LINGO2: variants seen among roughly 807,000 people sequenced by gnomAD.
The protein encoded by LINGO2 is leucine rich repeat and Ig domain containing 2.
In LINGO2, 14 loss-of-function variants were observed where a neutral mutation model predicts 30.6. The ratio of observed to expected loss-of-function variants is 0.46; its 90% CI spans 0.30 to 0.72. The LOEUF is 0.72. Ranked by LOEUF, LINGO2 falls within the 30% of genes least tolerant of loss-of-function variation. The probability of loss-of-function intolerance (pLI) is 0.07; values close to 1 mark genes in which losing one functional copy is unlikely to be tolerated. For synonymous variants in LINGO2, 317 were observed against 288.5 expected (o/e 1.10, Z -1.00); for missense variants, 729 against 751.7 (o/e 0.97, Z 0.35).
the LINGO2 span, among the ~76,000 whole-genome samples, chr9:28,987,230 T>C: frequency 1.3e-5 from 2 of 151,978 alleles, no homozygotes; most frequent in Non-Finnish European, 2.9e-5. Flanking sequence ...TTCCTCATTA[T>C]TGGTCTGTTC....
chr9:28,303,027 C>A (rs915277615), intron 3 of LINGO2, among the ~76,000 whole-genome samples: 3 of 152,222 alleles, frequency 2.0e-5, no homozygotes, highest in African/African-American at 7.2e-5. Flanking sequence ...GTCATTTGTC[C>A]TATCAATTTG....
At chr9:29,055,226 A>ACAACAG in the LINGO2 span, among the ~76,000 whole-genome samples, 1 of 151,706 alleles carries the variant, frequency 6.6e-6, no homozygotes, top group Non-Finnish European at 1.5e-5. Context: ...CTCAACAACA[A>ACAACAG]CAACAAAAGT....
At chr9:28,418,404 G>T (rs1823055240) in intron 2 of LINGO2, among the ~76,000 whole-genome samples, 1 of 150,112 alleles carries the variant, frequency 6.7e-6, no homozygotes, top group Non-Finnish European at 1.5e-5. Context: ...TCAGCCTCCT[G>T]AGTCGCTAGG....
At chr9:28,364,396 A>C (rs1820578917) in intron 3 of LINGO2, among the ~76,000 whole-genome samples, 1 of 151,816 alleles carries the variant, frequency 6.6e-6, no homozygotes, top group African/African-American at 2.4e-5. Flanking sequence ...TAAGATGAAC[A>C]CCACAGTCAA....
Position 28,255,654 on chromosome 9 carries a change from A to G in LINGO2, c.-87+39554T>C, listed in dbSNP as rs372831976. On this transcript the variant is annotated intron_variant, in intron 4 of 5. Coordinates refer to ENST00000379992, the Ensembl canonical transcript of LINGO2. ...GGTCTCCCATAAAACTTTTACTGAC[A>G]TGCTTCAGTGGAATAAACATTCATC... Among the ~76,000 whole-genome samples the G allele has an allele frequency of 3.3e-4, 50 of 152,226 alleles. 1 individual carries two copies. The East Asian group carries it at 9.1e-3, about 28-fold the overall frequency.
chr9:28,887,077 G>A, the LINGO2 span, among the ~76,000 whole-genome samples: 1 of 152,078 alleles, frequency 6.6e-6, no homozygotes, highest in Admixed American at 6.6e-5. Context: ...CAACGAGTGA[G>A]GCAGGACCTT....
chr9:28,190,724 C>T lies in LINGO2; in HGVS notation c.-87+104484G>A, dbSNP rs1320453684. On this transcript the variant is annotated intron_variant, in intron 4 of 5. Transcript: ENST00000379992. ...TCTATGGTATTTTGTTAAACCAGCC[C>T]GGACATTCTTTGTGGTTTTCTGTTC... is the stretch of plus-strand genomic sequence containing the variant. 3.3e-5 allele frequency among the ~76,000 whole-genome samples: 5 copies of T among 152,202 alleles called. No homozygotes were observed. In the East Asian group the frequency reaches 7.7e-4, roughly 24 times the overall value.
At chr9:28,427,556 A>G (rs898649419) in intron 2 of LINGO2, among the ~76,000 whole-genome samples, 6 of 152,124 alleles carry the variant, frequency 3.9e-5, no homozygotes, top group Admixed American at 3.3e-4. Context: ...TAAATTCTAC[A>G]ATTAATATGA....
chr9:28,236,163 A>G (rs745376811), intron 4 of LINGO2, among the ~76,000 whole-genome samples: 23 of 152,170 alleles, frequency 1.5e-4, no homozygotes, highest in Non-Finnish European at 3.1e-4. Flanking sequence ...CTTACAGGCC[A>G]TGAGAGAGTG....
intron 1 of LINGO2, among the ~76,000 whole-genome samples, chr9:28,657,718 A>T (rs921028291): frequency 6.6e-6 from 1 of 151,810 alleles, no homozygotes; most frequent in African/African-American, 2.4e-5. Flanking sequence ...GTTTTGTTGA[A>T]TTTCTCTATT....
At chr9:29,141,628 G>A in the LINGO2 span, among the ~76,000 whole-genome samples, 1 of 151,782 alleles carries the variant, frequency 6.6e-6, no homozygotes, top group Non-Finnish European at 1.5e-5. Context: ...ATGAAAAAAT[G>A]AGTCCTAACA....
the LINGO2 span, among the ~76,000 whole-genome samples, chr9:29,074,887 A>G: frequency 1.3e-5 from 2 of 151,558 alleles, no homozygotes; most frequent in East Asian, 1.9e-4. Flanking sequence ...TGTGTTAGCC[A>G]GGATGGTCTC....
chr9:28,821,462 T>G, the LINGO2 span, among the ~76,000 whole-genome samples: 1 of 152,210 alleles, frequency 6.6e-6, no homozygotes, highest in Non-Finnish European at 1.5e-5. Context: ...CCCTTAGGAA[T>G]TTATTCATAC....
In LINGO2 at chr9:28,130,124, C is replaced by T; in HGVS notation, c.-86-117719G>A. On this transcript the variant is annotated intron_variant, in intron 4 of 5. Coordinates refer to ENST00000379992, the Ensembl canonical transcript of LINGO2. This position sits in a 1 kb window ranked among gnomAD's most constrained non-coding sequence, Gnocchi z 5.2. ...GATTTTGTCAATTCTGACATTGATTCCCATGTGGAACAGAGGACTTTTCTA... is the reference window on the plus strand; with the variant it reads ...GATTTTGTCAATTCTGACATTGATTTCCATGTGGAACAGAGGACTTTTCTA... Among the ~76,000 whole-genome samples, 1 of 152,294 alleles carries T rather than the reference C, an allele frequency of 6.6e-6. No individual in the cohort carries two copies. Among genetic ancestry groups the T allele is most frequent in the African/African-American group, 2.4e-5 (1 of 41,558 alleles).
At chr9:28,341,203 C>CA (rs1412140416) in intron 3 of LINGO2, among the ~76,000 whole-genome samples, 1 of 152,102 alleles carries the variant, frequency 6.6e-6, no homozygotes, top group Admixed American at 6.5e-5. Context: ...CAGCACATAA[C>CA]AAAAAACTAA....
the LINGO2 span, among the ~76,000 whole-genome samples, chr9:28,893,517 C>T: frequency 6.6e-6 from 1 of 151,960 alleles, no homozygotes; most frequent in Non-Finnish European, 1.5e-5. Flanking sequence ...AGGCAATTTG[C>T]ACCCCCAACA....
chr9:28,984,198 C>A, the LINGO2 span, among the ~76,000 whole-genome samples: 2 of 152,046 alleles, frequency 1.3e-5, no homozygotes, highest in Non-Finnish European at 2.9e-5. Flanking sequence ...TTCTCTAGCC[C>A]CTGGCTCAGC....
intron 1 of LINGO2, among the ~76,000 whole-genome samples, chr9:28,668,087 G>A (rs185817533): frequency 6.6e-6 from 1 of 152,028 alleles, no homozygotes; most frequent in East Asian, 1.9e-4. Flanking sequence ...ATTCTGGATG[G>A]CTTTAGAATT....
intron 1 of LINGO2, among the ~76,000 whole-genome samples, chr9:28,568,594 G>C (rs773134571): frequency 6.6e-6 from 1 of 151,804 alleles, no homozygotes; most frequent in Non-Finnish European, 1.5e-5. Context: ...AAAGCAGCAA[G>C]AGAAAAAAGA....
Sources: allele counts gnomAD v4.1 joint callset (sites outside exome capture counted in the v4.1 genomes callset), GRCh38; gene constraint gnomAD v4.1.1; non-coding constraint Gnocchi (gnomAD v3.1); transcripts MANE v1.5; gene names NCBI Gene and HGNC (gene_info 2026-07-23, HGNC 2026-07-21).